The following ARHGAP25 variants were observed in gnomAD, a reference collection of about 807,000 sequenced individuals.
ARHGAP25 encodes the protein Rho GTPase activating protein 25.
In ARHGAP25, 34 loss-of-function variants were observed where a neutral mutation model predicts 71.0. The ratio of observed to expected loss-of-function variants is 0.48; its 90% CI spans 0.36 to 0.64. The LOEUF (loss-of-function observed/expected upper bound fraction) is 0.64, where lower values mean the gene tolerates loss of function less well. Ranked by LOEUF, ARHGAP25 falls within the 30% of genes least tolerant of loss-of-function variation. The probability of loss-of-function intolerance (pLI) is 0.00; values close to 1 mark genes in which losing one functional copy is unlikely to be tolerated. For synonymous variants in ARHGAP25, 282 were observed against 296.5 expected (o/e 0.95, Z 0.50); for missense variants, 706 against 805.1 (o/e 0.88, Z 1.49).
chr2:68,762,748 T>C (rs1053176031), intron 1 of ARHGAP25, among the ~76,000 whole-genome samples: 1 of 152,096 alleles, frequency 6.6e-6, no homozygotes. Context: ...CCATGAGAAC[T>C]GTGAAGGAGT....
At chr2:68,759,150 C>T (rs963072292) in intron 1 of ARHGAP25, among the ~76,000 whole-genome samples, 1 of 151,502 alleles carries the variant, frequency 6.6e-6, no homozygotes, top group Non-Finnish European at 1.5e-5. Context: ...AAATCAACAA[C>T]TGAACTTTAT....
chr2:68,798,069 A>C (rs143511270), intron 4 of ARHGAP25, among the ~76,000 whole-genome samples: 111 of 152,284 alleles, frequency 7.3e-4, no homozygotes, highest in African/African-American at 2.6e-3. Flanking sequence ...AGCGGATGAG[A>C]TTACTGGAAA....
chr2:68,826,116 T>G lies in ARHGAP25; in HGVS notation c.1863T>G (p.Val621=), dbSNP rs1179793065. The G allele has an allele frequency of 6.2e-7, 1 of 1,613,956 alleles. No homozygotes were observed. The change falls in exon 11 of 11, where the codon GTT becomes GTG. Residue 621 remains valine, a synonymous_variant. Coordinates refer to ENST00000409202, the MANE Select transcript of ARHGAP25 (RefSeq NM_001007231.3). Reference sequence around the variant, plus strand: ...ACATGGAGCGCTCCCGGGAGGATGTTGAGAAGAGGAACAAGGCCTTGGAAG... The same window carrying G: ...ACATGGAGCGCTCCCGGGAGGATGTGGAGAAGAGGAACAAGGCCTTGGAAG... The part of the protein sequence containing the change: ...LRNMERSRED[V]EKRNKALEEE...
At chr2:68,761,269 C>T (rs1206318515) in intron 1 of ARHGAP25, among the ~76,000 whole-genome samples, 1 of 151,892 alleles carries the variant, frequency 6.6e-6, no homozygotes, top group African/African-American at 2.4e-5. Flanking sequence ...ATTTAAGACC[C>T]CAAACTGTAA....
chr2:68,732,912 T>C (rs1398295606), upstream of ARHGAP25, among the ~76,000 whole-genome samples: 1 of 152,212 alleles, frequency 6.6e-6, no homozygotes, highest in African/African-American at 2.4e-5. Flanking sequence ...TACATTTAGT[T>C]TGAGATGGCT....
At chr2:68,774,802 C>T in intron 1 of ARHGAP25, 3 of 1,090,398 alleles carry the variant, frequency 2.8e-6, no homozygotes, top group East Asian at 7.7e-5. Context: ...GGACTCACCC[C>T]GAGCCTTCAG....
intron 9 of ARHGAP25, among the ~76,000 whole-genome samples, chr2:68,821,660 T>A (rs376340606): frequency 1.3e-5 from 2 of 152,232 alleles, no homozygotes; most frequent in East Asian, 3.8e-4. Flanking sequence ...TTTGCTCATC[T>A]GATAAGTGAG....
chr2:68,817,349 T>C lies in ARHGAP25; in HGVS notation c.882-524T>C, dbSNP rs186381300. On this transcript the variant is annotated intron_variant, in intron 7 of 10. Transcript: ENST00000409202. Reference sequence around the variant, plus strand: ...CTGAGAGCTTTGTGCCTCAAAGGGGTAGAATTTTAACAAAAATTCAGTATT... The same window carrying C: ...CTGAGAGCTTTGTGCCTCAAAGGGGCAGAATTTTAACAAAAATTCAGTATT... 3.3e-4 allele frequency among the ~76,000 whole-genome samples: 51 copies of C among 152,280 alleles called. 1 individual carries two copies. Among genetic ancestry groups the C allele is most frequent in the African/African-American group, 1.1e-3 (46 of 41,550 alleles).
chr2:68,749,739 G>A (rs1409127581), intron 1 of ARHGAP25, among the ~76,000 whole-genome samples: 1 of 152,134 alleles, frequency 6.6e-6, no homozygotes, highest in East Asian at 1.9e-4. Flanking sequence ...CCAGAGACAT[G>A]GATTTAAGTA....
At position 68,740,624 on chromosome 2, in the gene ARHGAP25, G is replaced by T. The variant is rs7574692; in HGVS notation, c.61+5364G>T. Among the ~76,000 whole-genome samples the T allele has an allele frequency of 9.8e-3, 1,497 of 152,296 alleles. 28 individuals carry two copies. The highest frequency in any genetic ancestry group is 0.033 in the African/African-American group (1,359 of 41,544). ...GTCTCTAGGTCTTCTGATCACTGGA[G>T]AGAGAGTATAAAAATCCTTTCCCAG... On this transcript the variant is annotated intron_variant, in intron 1 of 10. Coordinates refer to ENST00000409202, the MANE Select transcript of ARHGAP25 (RefSeq NM_001007231.3).
chr2:68,731,240 A>G (rs1675014296), upstream of ARHGAP25, among the ~76,000 whole-genome samples: 1 of 151,778 alleles, frequency 6.6e-6, no homozygotes, highest in Non-Finnish European at 1.5e-5. Flanking sequence ...CTTGTTCCTC[A>G]TTACCAATCC....
At chr2:68,714,283 T>C (rs930706400) in intron 2 of ARHGAP25, among the ~76,000 whole-genome samples, 45 of 152,240 alleles carry the variant, frequency 3.0e-4, no homozygotes, top group African/African-American at 9.9e-4. Flanking sequence ...GAGGTGTTTA[T>C]AGTATTCTCT....
At chr2:68,798,789 GGGAA>G (rs533603298) in intron 4 of ARHGAP25, among the ~76,000 whole-genome samples, 43 of 152,356 alleles carry the variant, frequency 2.8e-4, no homozygotes, top group African/African-American at 8.9e-4. Context: ...CTTAGTCACA[GGGAA>G]TAGCATGTGC....
At position 68,735,045 on chromosome 2, in the gene ARHGAP25, G is replaced by C; in HGVS notation, c.-155G>C. 1.4e-6 allele frequency: 1 copy of C among 696,676 alleles called. No individual in the cohort carries two copies. Among genetic ancestry groups the C allele is most frequent in the Non-Finnish European group, 2.6e-6 (1 of 390,242 alleles). 43.2% of individuals were successfully genotyped at this position (696,676 alleles called of 1,614,324 possible). ...CTAAGAGAAAGGAGGAGACACGTTG[G>C]CAAATCAGCCTCAAGCCTAAGATTG... On this transcript the variant is annotated 5_prime_UTR_variant, in exon 1 of 11. Coordinates refer to ENST00000409202, the MANE Select transcript of ARHGAP25 (RefSeq NM_001007231.3).
chr2:68,793,184 C>T (rs545272357), intron 4 of ARHGAP25, among the ~76,000 whole-genome samples: 1 of 152,244 alleles, frequency 6.6e-6, no homozygotes, highest in East Asian at 1.9e-4. Context: ...AGTCTTTTAT[C>T]ATATGCATAG....
At chr2:68,778,350 C>G (rs1450671588) in intron 2 of ARHGAP25, among the ~76,000 whole-genome samples, 3 of 151,808 alleles carry the variant, frequency 2.0e-5, no homozygotes, top group Admixed American at 1.3e-4. Flanking sequence ...ATATACTAAT[C>G]CCATTCTTGA....
intron 5 of ARHGAP25, among the ~76,000 whole-genome samples, chr2:68,809,585 A>C (rs1680626688): frequency 6.6e-6 from 1 of 151,962 alleles, no homozygotes; most frequent in South Asian, 2.1e-4. Flanking sequence ...GAAAGGGGGA[A>C]AGGGAGGGTT....
At chr2:68,799,719 A>C (rs987731208) in intron 4 of ARHGAP25, among the ~76,000 whole-genome samples, 8 of 152,150 alleles carry the variant, frequency 5.3e-5, no homozygotes, top group African/African-American at 1.9e-4. Flanking sequence ...CCTGTGTGTA[A>C]AGGTGAGTGG....
rs1338095406 is a variant in ARHGAP25 at position 68,792,554 on chromosome 2, C to G, written c.466+4598C>G. ...TTTCACTTAAAAATGGCTTCTAGTTCTATCGATGTTGCTGCAAAAGACATG... is the reference window on the plus strand; with the variant it reads ...TTTCACTTAAAAATGGCTTCTAGTTGTATCGATGTTGCTGCAAAAGACATG... On this transcript the variant is annotated intron_variant, in intron 4 of 10. Coordinates refer to ENST00000409202, the MANE Select transcript of ARHGAP25 (RefSeq NM_001007231.3). 2.0e-5 allele frequency among the ~76,000 whole-genome samples: 3 copies of G among 152,172 alleles called. No individual in the cohort carries two copies. In the East Asian group the frequency reaches 5.8e-4, roughly 29 times the overall value.
Sources: gnomAD v4.1 joint callset for allele counts (sites outside exome capture counted in the v4.1 genomes callset) on GRCh38, gnomAD v4.1.1 for gene constraint, MANE v1.5 for transcripts, NCBI Gene and HGNC (gene_info 2026-07-23, HGNC 2026-07-21) for gene names.